BUD31: variants seen among roughly 807,000 people sequenced by gnomAD.
The protein encoded by BUD31 is BUD31 spliceosome associated protein.
BUD31 carries 9 observed loss-of-function variants against 17.9 expected under a neutral mutation model. That is an observed-to-expected ratio of 0.50 (90% CI 0.30 to 0.88). The LOEUF is 0.88. Ranked by LOEUF, BUD31 falls within the 40% of genes least tolerant of loss-of-function variation. The pLI is 0.06. For missense variants in BUD31, 148 were observed against 184.5 expected, an observed-to-expected ratio of 0.80 and a Z score of 1.15; for synonymous variants, 70 against 64.7, an observed-to-expected ratio of 1.08 and a Z score of -0.39.
chr7:99,413,251 GTTC>G (rs1266038447), intron 3 of BUD31, among the ~76,000 whole-genome samples: 1 of 152,098 alleles, frequency 6.6e-6, no homozygotes, highest in East Asian at 1.9e-4. Context: ...TCGCCCTTCT[GTTC>G]TTCCCTAAAA....
At chr7:99,417,734 G>A (rs746637243) in intron 5 of BUD31, 139 bp downstream of exon 5, 5 of 1,536,052 alleles carry the variant, frequency 3.3e-6, no homozygotes, top group Non-Finnish European at 4.4e-6. Flanking sequence ...CCTCGTGGGA[G>A]TGGGTCCCTG....
Position 99,417,609 on chromosome 7 carries a change from C to T in BUD31, c.384+14C>T. The T allele has an allele frequency of 6.2e-7, 1 of 1,609,620 alleles. No homozygotes were observed. Among genetic ancestry groups the T allele is most frequent in the Non-Finnish European group, 8.5e-7 (1 of 1,179,968 alleles). ...AAGCTGGAAGTGGTAATGTCTGACACTCAAGCTTGGTGTTGTTTTCAGCTC... is the reference window on the plus strand; with the variant it reads ...AAGCTGGAAGTGGTAATGTCTGACATTCAAGCTTGGTGTTGTTTTCAGCTC... On this transcript the variant is annotated intron_variant, in intron 5 of 5. Transcript: ENST00000222969.
intron 3 of BUD31, chr7:99,415,209 T>C (rs111937260): frequency 4.2e-5 from 19 of 454,426 alleles, no homozygotes; most frequent in African/African-American, 3.2e-4. Flanking sequence ...TGCACTGATA[T>C]TTATTGGATA....
At chr7:99,413,634 C>T (rs1306296185) in intron 3 of BUD31, among the ~76,000 whole-genome samples, 1 of 152,110 alleles carries the variant, frequency 6.6e-6, no homozygotes, top group Non-Finnish European at 1.5e-5. Context: ...ATCTGTCATC[C>T]AGGCTGGAGT....
chr7:99,417,782 G>A, intron 5 of BUD31, 187 bp downstream of exon 5: 1 of 1,529,212 alleles, frequency 6.5e-7, no homozygotes, highest in East Asian at 2.5e-5. Context: ...GTGGCTGTGT[G>A]TTTGTTAGGT....
intron 3 of BUD31, among the ~76,000 whole-genome samples, chr7:99,414,464 A>G (rs775087574): frequency 6.6e-6 from 1 of 152,206 alleles, no homozygotes; most frequent in Admixed American, 6.6e-5. Context: ...ATATACTGTA[A>G]AAGTGAACCT....
chr7:99,413,367 G>A (rs1251047826), intron 3 of BUD31, among the ~76,000 whole-genome samples: 1 of 152,150 alleles, frequency 6.6e-6, no homozygotes, highest in African/African-American at 2.4e-5. Context: ...TGTTGAAGGA[G>A]CAGCTTCTGC....
At chr7:99,412,145 C>T (rs1381718113) in intron 3 of BUD31, among the ~76,000 whole-genome samples, 2 of 152,172 alleles carry the variant, frequency 1.3e-5, no homozygotes, top group Admixed American at 6.5e-5. Flanking sequence ...AAAAACTGTT[C>T]GTACCAGATA....
At chr7:99,417,070 T>C (rs1163094484) in intron 4 of BUD31, 4 of 238,714 alleles carry the variant, frequency 1.7e-5, no homozygotes, top group African/African-American at 9.5e-5. Flanking sequence ...AATGCCTTTT[T>C]TTTTTTGAGA....
At chr7:99,418,105 C>G (rs200333308) in intron 5 of BUD31, 2 of 484,854 alleles carry the variant, frequency 4.1e-6, no homozygotes, top group South Asian at 8.7e-5. Context: ...GTAGCTGGGA[C>G]TACAGGCATG....
chr7:99,411,130 A>G lies in BUD31; in HGVS notation c.38A>G (p.Asp13Gly). ...AAAAGAAGCCGGAAAGCACCCCCAGATGGCTGGGAGTTGATTGAGCCAACA... is the reference window on the plus strand; with the variant it reads ...AAAAGAAGCCGGAAAGCACCCCCAGGTGGCTGGGAGTTGATTGAGCCAACA... ...KVKRSRKAPP[D>G]GWELIEPTLD... The change falls in exon 3 of 6, where the codon GAT (aspartate) becomes GGT (glycine). Residue 13 changes from aspartate to glycine, a missense_variant. Asp to Gly is a moderately conservative substitution (Grantham distance 94). Transcript: ENST00000222969. The G allele has an allele frequency of 6.2e-7, 1 of 1,614,148 alleles. No homozygotes were observed. Among genetic ancestry groups the G allele is most frequent in the South Asian group, 1.1e-5 (1 of 91,068 alleles).
rs775855277 is a variant in BUD31 at position 99,419,483 on chromosome 7, C to T, written c.*42C>T. ...CCTGGACTCTGGACTTCGCAGGTTC[C>T]TGCCTGTCACGCCACCCCCTTCCTG... On this transcript the variant is annotated 3_prime_UTR_variant, in exon 6 of 6. Coordinates refer to ENST00000222969, the MANE Select transcript of BUD31 (RefSeq NM_003910.4). 2 of 1,605,534 alleles carry T rather than the reference C, an allele frequency of 1.2e-6. No individual in the cohort carries two copies. The highest frequency in any genetic ancestry group is 1.1e-5 in the South Asian group (1 of 91,034).
At chr7:99,415,946 T>A (rs1391893508) in intron 3 of BUD31, among the ~76,000 whole-genome samples, 192 bp from the exon 4 acceptor site, 1 of 132,384 alleles carries the variant, frequency 7.6e-6, no homozygotes, top group Non-Finnish European at 1.5e-5. Context: ...ACTATTCTTA[T>A]TTTATTTATT....
intron 3 of BUD31, chr7:99,415,290 C>A: frequency 2.2e-6 from 1 of 455,580 alleles, no homozygotes; most frequent in South Asian, 1.5e-5. Flanking sequence ...GGTCACGTGT[C>A]CACTGGAAAG....
intron 3 of BUD31, chr7:99,411,791 G>T: frequency 2.3e-6 from 1 of 443,624 alleles, no homozygotes; most frequent in South Asian, 1.6e-5. Flanking sequence ...TGCAACCTCT[G>T]CCTCCCGTGT....
chr7:99,419,545 A>G lies in BUD31; in HGVS notation c.*104A>G. ...CAGTGCCCCAGGCCCGAGTTGGAGC[A>G]CGGTCTCTATGGGGAAGGCTTCGCT... On this transcript the variant is annotated 3_prime_UTR_variant, in exon 6 of 6. Coordinates refer to ENST00000222969, the MANE Select transcript of BUD31 (RefSeq NM_003910.4). 15 of 1,359,996 alleles carry G rather than the reference A, an allele frequency of 1.1e-5. No individual in the cohort carries two copies. Among genetic ancestry groups the G allele is most frequent in the Non-Finnish European group, 1.5e-5 (14 of 963,932 alleles). The allele number at this position is 1,359,996 out of a possible 1,614,324, so 84.2% of individuals were successfully genotyped here.
At chr7:99,416,393 T>C (rs1795461740) in intron 4 of BUD31, 133 bp downstream of exon 4, 2 of 1,185,574 alleles carry the variant, frequency 1.7e-6, no homozygotes, top group Non-Finnish European at 2.4e-6. Flanking sequence ...GGAGCCAACG[T>C]TGGCTGAGTT....
At position 99,419,402 on chromosome 7, in the gene BUD31, C is replaced by T. The variant is rs200813675; in HGVS notation, c.396C>T (p.Ile132=). 29 of 1,613,092 alleles carry T rather than the reference C, an allele frequency of 1.8e-5. No homozygotes were observed. Among genetic ancestry groups the T allele is most frequent in the Non-Finnish European group, 2.4e-5 (28 of 1,180,014 alleles). The change falls in exon 6 of 6, where the codon ATC becomes ATT. Residue 132 remains isoleucine (I), a synonymous_variant. Transcript: ENST00000222969. The part of the protein sequence containing the change: ...PKSKLEVGRI[I]ECTHCGCRGC... ...CTCCTCCGTTGCAGGGCCGCATCAT[C>T]GAGTGCACACACTGTGGCTGTCGTG...
intron 3 of BUD31, chr7:99,414,997 A>G (rs545936733): frequency 8.1e-6 from 2 of 247,072 alleles, no homozygotes; most frequent in South Asian, 3.6e-5. Context: ...ATTTCTCCAC[A>G]TCCTTCCCAA....
Sources: allele counts gnomAD v4.1 joint callset (sites outside exome capture counted in the v4.1 genomes callset), GRCh38; gene constraint gnomAD v4.1.1; transcripts MANE v1.5; gene names NCBI Gene and HGNC (gene_info 2026-07-23, HGNC 2026-07-21).